TOX: variants seen among roughly 807,000 people sequenced by gnomAD.
The protein encoded by TOX is thymocyte selection associated high mobility group box, also known as thymocyte selection-associated high mobility group box protein TOX.
Under a neutral mutation model 53.7 loss-of-function variants are expected in TOX, and 11 were observed. That is an observed-to-expected ratio of 0.20 (90% CI 0.13 to 0.34). The LOEUF (loss-of-function observed/expected upper bound fraction) is 0.34. TOX is among the 10% of genes least tolerant of loss of function. TOX has a pLI of 1.00. For missense variants in TOX, 570 were observed against 664.6 expected (o/e 0.86, Z 1.56); for synonymous variants, 225 against 245.3 (o/e 0.92, Z 0.77).
intron 1 of TOX, among the ~76,000 whole-genome samples, chr8:59,095,663 GT>G (rs1804701456): frequency 6.6e-6 from 1 of 152,142 alleles, no homozygotes; most frequent in South Asian, 2.1e-4. Flanking sequence ...GCCTCCCAAA[GT>G]GCTGGGATTA....
At chr8:58,932,497 T>A (rs570939381) in intron 3 of TOX, among the ~76,000 whole-genome samples, 1 of 152,200 alleles carries the variant, frequency 6.6e-6, no homozygotes, top group Admixed American at 6.5e-5. Context: ...GCTGACATCA[T>A]AAGCTCCTCC....
chr8:59,101,267 A>AT (rs917370020), intron 1 of TOX, among the ~76,000 whole-genome samples: 27 of 152,198 alleles, frequency 1.8e-4, no homozygotes, highest in African/African-American at 5.5e-4. Context: ...AAGTACACAG[A>AT]TTTTTTTTCT....
At chr8:58,915,064 C>T (rs1170486733) in intron 3 of TOX, among the ~76,000 whole-genome samples, 11 of 148,896 alleles carry the variant, frequency 7.4e-5, no homozygotes, top group Non-Finnish European at 1.2e-4. Context: ...CCCACGGAAT[C>T]TCGCTGATTG....
In TOX at chr8:58,806,969, A is replaced by T. The variant is rs1259080612; in HGVS notation, c.*778T>A. The T allele has an allele frequency of 6.6e-6, 1 of 152,650 alleles. No individual in the cohort carries two copies. The highest frequency in any genetic ancestry group is 1.5e-5 in the Non-Finnish European group (1 of 68,042). The allele number at this position is 152,650 out of a possible 1,614,324, so 9.5% of individuals were successfully genotyped here. ...CCAGGTAAGCATTTGGCAGTTTTAT[A>T]CATAAAAGGACTTAAATGACATTTA... is the stretch of plus-strand genomic sequence containing the variant. On this transcript the variant is annotated 3_prime_UTR_variant, in exon 9 of 9. Transcript: ENST00000361421.
At chr8:58,955,193 G>T (rs564962636) in intron 2 of TOX, among the ~76,000 whole-genome samples, 44 of 152,268 alleles carry the variant, frequency 2.9e-4, no homozygotes, top group Admixed American at 2.3e-3. Context: ...GTAAGAAAGA[G>T]ACAGAATTCC....
chr8:58,955,432 A>AGG (rs1243052786), intron 2 of TOX, among the ~76,000 whole-genome samples: 1 of 152,182 alleles, frequency 6.6e-6, no homozygotes, highest in Non-Finnish European at 1.5e-5. Context: ...GAAGCAAGGC[A>AGG]GGGGAACCAA....
Position 58,808,244 on chromosome 8 carries a change from T to C in TOX, c.1418A>G (p.Gln473Arg). 2 of 1,612,674 alleles carry C rather than the reference T, an allele frequency of 1.2e-6. No homozygotes were observed. The part of the protein sequence containing the change: ...QQGFTLQPDY[Q>R]TIINPTSTAA... ...TGTAGATGTAGGATTGATAATAGTCTGATAGTCGGGTTGAAGAGTAAATCC... is the reference window on the plus strand; with the variant it reads ...TGTAGATGTAGGATTGATAATAGTCCGATAGTCGGGTTGAAGAGTAAATCC... The change falls in exon 8 of 9, where the codon CAG becomes CGG. Residue 473 changes from glutamine to arginine, a missense_variant. Gln to Arg is a conservative substitution (Grantham distance 43). Around this residue, in one of 3 missense-constraint regions of TOX, gnomAD observed 239 missense variants for 250.7 expected, o/e 0.95. Transcript: ENST00000361421.
chr8:59,043,481 A>G (rs1481712420), intron 1 of TOX, among the ~76,000 whole-genome samples: 1 of 152,152 alleles, frequency 6.6e-6, no homozygotes, highest in African/African-American at 2.4e-5. Context: ...TAATCTATTG[A>G]GTAACAGACT....
At chr8:58,939,226 G>C in intron 3 of TOX, 76 bp downstream of exon 3, 2 of 1,552,578 alleles carry the variant, frequency 1.3e-6, no homozygotes, top group South Asian at 2.4e-5. Context: ...CACAATGCCA[G>C]GCCCTCGCAT....
At chr8:58,860,558 T>C (rs10504264) in intron 3 of TOX, among the ~76,000 whole-genome samples, 9,772 of 152,314 alleles carry the variant, frequency 0.064, 347 homozygotes, top group East Asian at 0.12. Context: ...CTGCTCACGC[T>C]GATGGTTCTC....
intron 2 of TOX, among the ~76,000 whole-genome samples, chr8:58,950,378 A>G (rs1812602052): frequency 6.6e-6 from 1 of 152,236 alleles, no homozygotes; most frequent in Non-Finnish European, 1.5e-5. Flanking sequence ...GCGGAGGACC[A>G]GAGCTAACAG....
At chr8:58,923,889 G>C (rs1812114345) in intron 3 of TOX, among the ~76,000 whole-genome samples, 1 of 152,148 alleles carries the variant, frequency 6.6e-6, no homozygotes, top group African/African-American at 2.4e-5. Context: ...CTACTACATA[G>C]AGTAGACACC....
rs116556874 is a variant in TOX at position 59,013,210 on chromosome 8, A to G, written c.103-53202T>C. Among the ~76,000 whole-genome samples, 1,266 of 152,320 alleles carry G rather than the reference A, an allele frequency of 8.3e-3. 10 individuals are homozygous for G. Among genetic ancestry groups the G allele is most frequent in the African/African-American group, 0.029 (1,198 of 41,576 alleles). On this transcript the variant is annotated intron_variant, in intron 1 of 8. Coordinates refer to ENST00000361421, the MANE Select transcript of TOX (RefSeq NM_014729.3). ...TGCATATTACATCCCCGGTTCCTGG[A>G]CATTGCTTTCATCCTAGATTTCAGA... is the stretch of plus-strand genomic sequence containing the variant.
intron 1 of TOX, among the ~76,000 whole-genome samples, chr8:59,017,971 T>C (rs1468639180): frequency 6.6e-6 from 1 of 152,188 alleles, no homozygotes; most frequent in East Asian, 1.9e-4. Context: ...ACATTCTCCA[T>C]TATACCAACA....
chr8:58,836,515 C>T (rs1483714870), intron 5 of TOX, among the ~76,000 whole-genome samples: 6 of 152,088 alleles, frequency 3.9e-5, no homozygotes, highest in Admixed American at 1.3e-4. Context: ...AAAGAAAACT[C>T]TTGCAACACA....
intron 1 of TOX, among the ~76,000 whole-genome samples, chr8:59,076,080 A>T (rs1804288494): frequency 6.6e-6 from 1 of 152,046 alleles, no homozygotes; most frequent in Non-Finnish European, 1.5e-5. Context: ...CAGAGAGAAG[A>T]AGGCGCTGTA....
rs541019208 is a variant in TOX at position 59,118,228 on chromosome 8, C to G, written c.102+658G>C. Among the ~76,000 whole-genome samples, 165 of 152,350 alleles carry G rather than the reference C, an allele frequency of 1.1e-3. No homozygotes were observed. Among genetic ancestry groups the G allele is most frequent in the Non-Finnish European group, 2.1e-3 (143 of 68,038 alleles). ...CCGGCTCCCAACAAACTTGCAATTT[C>G]CGCGCGCACCCCTTAAACAGGAACT... On this transcript the variant is annotated intron_variant, in intron 1 of 8. Transcript: ENST00000361421. The surrounding 1 kb of genome is among the most constrained non-coding windows in gnomAD (Gnocchi z 4.1).
At chr8:59,018,853 C>T (rs1814065578) in intron 1 of TOX, among the ~76,000 whole-genome samples, 1 of 152,102 alleles carries the variant, frequency 6.6e-6, no homozygotes. Context: ...TATGACTACC[C>T]AGGACTGAGA....
rs554736375 is a variant in TOX at position 59,072,595 on chromosome 8, C to T, written c.102+46291G>A. On this transcript the variant is annotated intron_variant, in intron 1 of 8. Coordinates refer to ENST00000361421, the MANE Select transcript of TOX (RefSeq NM_014729.3). ...ATTTAGTATCTTCCCCTGAACATAG[C>T]CACGTAGTTGCATTTCACAGAAATG... 8.5e-4 allele frequency among the ~76,000 whole-genome samples: 130 copies of T among 152,276 alleles called. No individual in the cohort carries two copies. The Middle Eastern group carries it at 0.01, about 12-fold the overall frequency.
Sources: gnomAD v4.1 joint callset for allele counts (sites outside exome capture counted in the v4.1 genomes callset) on GRCh38, gnomAD v4.1.1 for gene constraint, gnomAD v4.1.1 regional missense constraint, Gnocchi (gnomAD v3.1) non-coding constraint, MANE v1.5 for transcripts, NCBI Gene and HGNC (gene_info 2026-07-23, HGNC 2026-07-21) for gene names.